XIRP2: variants seen among roughly 807,000 people sequenced by gnomAD.
XIRP2 encodes the protein xin actin-binding repeat-containing protein 2.
XIRP2 carries 236 observed loss-of-function variants against 277.0 expected under a neutral mutation model. The observed-to-expected ratio is 0.85, with a 90% CI of 0.77 to 0.95. The LOEUF is 0.95. Ranked by LOEUF, XIRP2 falls within the 40% of genes least tolerant of loss-of-function variation. The pLI is 0.00. For synonymous variants in XIRP2, 1,490 were observed against 1,416.5 expected, an observed-to-expected ratio of 1.05 and a Z score of -1.17; for missense variants, 4,640 against 4,157.5, an observed-to-expected ratio of 1.12 and a Z score of -3.19.
intron 3 of XIRP2, among the ~76,000 whole-genome samples, chr2:167,177,983 A>G (rs1030838774): frequency 3.3e-5 from 5 of 152,168 alleles, no homozygotes; most frequent in South Asian, 4.1e-4. Flanking sequence ...GTTAAGATTT[A>G]TAAGATTTTC....
At chr2:166,933,498 C>T (rs987392662) in intron 2 of XIRP2, among the ~76,000 whole-genome samples, 41 of 151,516 alleles carry the variant, frequency 2.7e-4, no homozygotes, top group Non-Finnish European at 8.8e-5. Flanking sequence ...TATTAAATCT[C>T]TTAATTCTTT....
intron 3 of XIRP2, among the ~76,000 whole-genome samples, chr2:167,205,807 T>A (rs1399602366): frequency 6.6e-6 from 1 of 152,176 alleles, no homozygotes; most frequent in Non-Finnish European, 1.5e-5. Context: ...CTCTGATTAT[T>A]TCTATGACTA....
In XIRP2 at chr2:167,219,840, T is replaced by C. The variant is rs928023724; in HGVS notation, c.858+1540T>C. ...ATTAGGTTACTATGGAGGTTTAATG[T>C]GACAAAGAGCAATTTATGTGAAAAT... On this transcript the variant is annotated intron_variant, in intron 5 of 10. Coordinates refer to ENST00000409195, the MANE Select transcript of XIRP2 (RefSeq NM_152381.6). Among the ~76,000 whole-genome samples, 26 of 152,334 alleles carry C rather than the reference T, an allele frequency of 1.7e-4. 1 individual carries two copies. Among genetic ancestry groups the C allele is most frequent in the African/African-American group, 5.5e-4 (23 of 41,576 alleles).
rs968160283 is a variant in XIRP2 at position 167,131,124 on chromosome 2, A to G, written c.409-4785A>G. On this transcript the variant is annotated intron_variant, in intron 2 of 10. Coordinates refer to ENST00000409195, the MANE Select transcript of XIRP2 (RefSeq NM_152381.6). Reference sequence around the variant, plus strand: ...AACTTCTGCCTGGGTTCTTATCTTCAAGCTACCAAGCTTGCAAATCACTTA... The same window carrying G: ...AACTTCTGCCTGGGTTCTTATCTTCGAGCTACCAAGCTTGCAAATCACTTA... Among the ~76,000 whole-genome samples the G allele has an allele frequency of 5.3e-5, 8 of 152,108 alleles. No homozygotes were observed. The East Asian group carries it at 1.6e-3, about 30-fold the overall frequency.
chr2:167,148,121 A>G (rs1336649309), intron 3 of XIRP2, among the ~76,000 whole-genome samples: 1 of 152,002 alleles, frequency 6.6e-6, no homozygotes, highest in African/African-American at 2.4e-5. Flanking sequence ...GTGGCTCACG[A>G]CTGTAACCTC....
Position 167,245,630 on chromosome 2 carries a change from T to C in XIRP2, c.4238T>C (p.Ile1413Thr), listed in dbSNP as rs372138947. ...SHNIMPSIDH[I>T]QGGNVKTSRQ... Reference sequence around the variant, plus strand: ...AATATTATGCCCAGTATTGACCATATACAAGGTGGCAATGTAAAGACAAGT... The same window carrying C: ...AATATTATGCCCAGTATTGACCATACACAAGGTGGCAATGTAAAGACAAGT... The change falls in exon 9 of 11, where the codon ATA becomes ACA. Residue 1413 changes from isoleucine (I) to threonine (T), a missense_variant. Coordinates refer to ENST00000409195, the MANE Select transcript of XIRP2 (RefSeq NM_152381.6). 4.3e-5 allele frequency: 69 copies of C among 1,613,526 alleles called. No homozygotes were observed. The highest frequency in any genetic ancestry group is 5.6e-5 in the Non-Finnish European group (66 of 1,179,734).
chr2:166,970,518 T>G (rs1437314355), intron 2 of XIRP2, among the ~76,000 whole-genome samples: 1 of 152,008 alleles, frequency 6.6e-6, no homozygotes, highest in African/African-American at 2.4e-5. Context: ...TGCAGCAGAA[T>G]GGACAGTGTA....
rs145954693 is a variant in XIRP2, at chr2:166,902,800, A to T, written c.-18-665A>T. 2.7e-3 allele frequency among the ~76,000 whole-genome samples: 415 copies of T among 152,152 alleles called. 2 individuals carry two copies. The highest frequency in any genetic ancestry group is 9.5e-3 in the African/African-American group (393 of 41,560). On this transcript the variant is annotated intron_variant, in intron 1 of 10. Transcript: ENST00000409195. ...CTGGAGTTCCACAGATGTATTTCAAATCCAGGCTTTGTCACTCAGAATCCT... is the reference window on the plus strand; with the variant it reads ...CTGGAGTTCCACAGATGTATTTCAATTCCAGGCTTTGTCACTCAGAATCCT...
At chr2:166,965,465 T>A (rs1025765872) in intron 2 of XIRP2, among the ~76,000 whole-genome samples, 1 of 151,932 alleles carries the variant, frequency 6.6e-6, no homozygotes, top group South Asian at 2.1e-4. Context: ...TGATCATGAA[T>A]GAGCCTGGAA....
At chr2:166,962,515 T>C (rs2105409185) in intron 2 of XIRP2, among the ~76,000 whole-genome samples, 1 of 151,810 alleles carries the variant, frequency 6.6e-6, no homozygotes, top group Middle Eastern at 3.4e-3. Flanking sequence ...TAACAGCAAA[T>C]TATTAAAGCA....
At chr2:167,052,008 T>G (rs1280469192) in intron 2 of XIRP2, among the ~76,000 whole-genome samples, 1 of 152,094 alleles carries the variant, frequency 6.6e-6, no homozygotes, top group Non-Finnish European at 1.5e-5. Context: ...AGCATATTTT[T>G]GGGTTATTTT....
rs188688707 is a variant in XIRP2 at position 167,027,128 on chromosome 2, C to T, written c.409-108781C>T. On this transcript the variant is annotated intron_variant, in intron 2 of 10. Coordinates refer to ENST00000409195, the MANE Select transcript of XIRP2 (RefSeq NM_152381.6). ...CATCTTGGTTCCATTCTCTCCGTCA[C>T]TCTCAGGTACACCAATCAGACCTAG... is the stretch of plus-strand genomic sequence containing the variant. Among the ~76,000 whole-genome samples the T allele has an allele frequency of 3.3e-5, 5 of 152,268 alleles. No individual in the cohort carries two copies. The East Asian group carries it at 9.7e-4, about 29-fold the overall frequency.
Position 167,165,538 on chromosome 2 carries a change from C to G in XIRP2, c.562+29476C>G, listed in dbSNP as rs112803377. ...TGTCTGTTGCTGGAGGTGGACGATTCTACTGGGTGTATAGTGTTCTCTCAT... is the reference window on the plus strand; with the variant it reads ...TGTCTGTTGCTGGAGGTGGACGATTGTACTGGGTGTATAGTGTTCTCTCAT... On this transcript the variant is annotated intron_variant, in intron 3 of 10. Coordinates refer to ENST00000409195, the MANE Select transcript of XIRP2 (RefSeq NM_152381.6). Among the ~76,000 whole-genome samples, 385 of 152,296 alleles carry G rather than the reference C, an allele frequency of 2.5e-3. 4 individuals are homozygous for G. Among genetic ancestry groups the G allele is most frequent in the African/African-American group, 8.8e-3 (366 of 41,560 alleles).
chr2:167,249,302 T>C lies in XIRP2; in HGVS notation c.7910T>C (p.Val2637Ala). 1 of 1,613,808 alleles carries C rather than the reference T, an allele frequency of 6.2e-7. No homozygotes were observed. The highest frequency in any genetic ancestry group is 8.5e-7 in the Non-Finnish European group (1 of 1,179,812). The change falls in exon 9 of 11, where the codon GTC (valine) becomes GCC (alanine). Residue 2637 changes from valine (V) to alanine (A), a missense_variant. Transcript: ENST00000409195. ...CTCTCCACAACATCGCCAGAAACAG[T>C]CGCTGCCAAGAGGCTCCACCATGTT... ...NQLSTTSPET[V>A]AAKRLHHVLA...
chr2:166,966,649 T>G (rs1204245931), intron 2 of XIRP2, among the ~76,000 whole-genome samples: 1 of 151,954 alleles, frequency 6.6e-6, no homozygotes, highest in African/African-American at 2.4e-5. Context: ...GCCAATCTCT[T>G]AAGAGGGCCA....
intron 3 of XIRP2, among the ~76,000 whole-genome samples, chr2:167,203,181 G>A (rs1269257573): frequency 1.3e-5 from 2 of 152,174 alleles, no homozygotes; most frequent in African/African-American, 2.4e-5. Flanking sequence ...TAGGTCCTGG[G>A]GATTAGGATG....
At chr2:167,037,492 T>C (rs1358840495) in intron 2 of XIRP2, among the ~76,000 whole-genome samples, 5 of 151,178 alleles carry the variant, frequency 3.3e-5, no homozygotes, top group Non-Finnish European at 5.9e-5. Flanking sequence ...GAGTGGGTTT[T>C]TGGCTTGAGG....
intron 2 of XIRP2, among the ~76,000 whole-genome samples, chr2:167,080,273 G>C (rs184537603): frequency 2.0e-5 from 3 of 152,302 alleles, no homozygotes. Flanking sequence ...AATATTCTAA[G>C]AATTGACCAG....
intron 3 of XIRP2, among the ~76,000 whole-genome samples, chr2:167,186,127 T>A (rs1470958835): frequency 6.6e-6 from 1 of 152,166 alleles, no homozygotes; most frequent in Non-Finnish European, 1.5e-5. Flanking sequence ...CTAATTTTGA[T>A]CAATTAAAAT....
Sources: gnomAD v4.1 joint callset for allele counts (sites outside exome capture counted in the v4.1 genomes callset) on GRCh38, gnomAD v4.1.1 for gene constraint, MANE v1.5 for transcripts, NCBI Gene and HGNC (gene_info 2026-07-23, HGNC 2026-07-21) for gene names.